The following EPB41L4A variants were observed in gnomAD, a reference collection of about 807,000 sequenced individuals.
The protein encoded by EPB41L4A is band 4.1-like protein 4A.
A neutral mutation model predicts 108.6 loss-of-function variants in EPB41L4A; 100 were observed. The ratio of observed to expected loss-of-function variants is 0.92; its 90% CI spans 0.78 to 1.09. EPB41L4A has a LOEUF of 1.09. Ranked by LOEUF, EPB41L4A falls within the 50% of genes least tolerant of loss-of-function variation. The pLI, the probability that EPB41L4A is intolerant of heterozygous loss-of-function variation, is 0.00. For missense variants in EPB41L4A, 1,030 were observed against 842.7 expected (o/e 1.22, Z -2.75); for synonymous variants, 319 against 289.0 (o/e 1.10, Z -1.05).
chr5:112,398,264 G>T (rs1401343869), intron 1 of EPB41L4A, among the ~76,000 whole-genome samples: 1 of 152,030 alleles, frequency 6.6e-6, no homozygotes, highest in Non-Finnish European at 1.5e-5. Context: ...TCTTTTTTAG[G>T]ATTTTCCTTT....
At chr5:112,262,203 C>A (rs1374266003) in intron 7 of EPB41L4A, among the ~76,000 whole-genome samples, 1 of 152,058 alleles carries the variant, frequency 6.6e-6, no homozygotes, top group Middle Eastern at 3.2e-3. Context: ...GCCTATACAT[C>A]AATTTTATAT....
At chr5:112,307,856 A>G (rs1274565122) in intron 1 of EPB41L4A, among the ~76,000 whole-genome samples, 1 of 152,158 alleles carries the variant, frequency 6.6e-6, no homozygotes, top group African/African-American at 2.4e-5. Flanking sequence ...AAATCCCACC[A>G]TTCCCTCATT....
At chr5:112,405,861 A>G (rs1315809861) in intron 1 of EPB41L4A, among the ~76,000 whole-genome samples, 2 of 152,014 alleles carry the variant, frequency 1.3e-5, no homozygotes, top group East Asian at 3.8e-4. Flanking sequence ...CTCCCCACCT[A>G]ACAGTTAAAC....
At chr5:112,347,093 A>C (rs1038029414) in intron 1 of EPB41L4A, among the ~76,000 whole-genome samples, 11 of 152,340 alleles carry the variant, frequency 7.2e-5, no homozygotes, top group African/African-American at 2.4e-4. Flanking sequence ...TTCTGTGAGG[A>C]AACAGCAAAT....
rs534739997 is a variant in EPB41L4A, at chr5:112,390,141, G to A, written c.99+28800C>T. 7.2e-4 allele frequency among the ~76,000 whole-genome samples: 110 copies of A among 152,322 alleles called. No individual in the cohort carries two copies. In the South Asian group the frequency reaches 8.3e-3, roughly 11 times the overall value. On this transcript the variant is annotated intron_variant, in intron 1 of 22. Transcript: ENST00000261486. The stretch of plus-strand genomic sequence containing the variant: ...TCCCAGCGTGATCGACACAGAAGAC[G>A]GGTGACTTCTGCATTTCCAACTGAG...
At chr5:112,314,505 TAAAAAAAAAAAAAAAAAAAAAA>T (rs552428109) in intron 1 of EPB41L4A, among the ~76,000 whole-genome samples, 7,437 of 55,904 alleles carry the variant, frequency 0.13, 427 homozygotes, top group Admixed American at 0.18. Flanking sequence ...CCATCGCTAC[TAAAAAAAAAAAAAAAAAAAAAA>T]AAAAAAAAAA....
chr5:112,372,668 G>T (rs961671242), intron 1 of EPB41L4A, among the ~76,000 whole-genome samples: 1 of 152,160 alleles, frequency 6.6e-6, no homozygotes, highest in Non-Finnish European at 1.5e-5. Flanking sequence ...GAAAGAACCA[G>T]ATAATACCTT....
intron 15 of EPB41L4A, among the ~76,000 whole-genome samples, chr5:112,203,768 G>A (rs751322798): frequency 4.5e-5 from 6 of 134,712 alleles, no homozygotes; most frequent in East Asian, 2.6e-4. Flanking sequence ...TCGTCTGGGC[G>A]CAGTGGCTTA....
At chr5:112,277,255 G>T (rs2150496969) in intron 3 of EPB41L4A, among the ~76,000 whole-genome samples, 1 of 152,212 alleles carries the variant, frequency 6.6e-6, no homozygotes, top group South Asian at 2.1e-4. Flanking sequence ...CCTTCTCCAG[G>T]CCTCAGAGCT....
chr5:112,293,710 A>G (rs1561546070), intron 2 of EPB41L4A, among the ~76,000 whole-genome samples: 1 of 152,182 alleles, frequency 6.6e-6, no homozygotes, highest in African/African-American at 2.4e-5. Flanking sequence ...TGAGGAAAGC[A>G]TGCAGTGCAA....
intron 1 of EPB41L4A, among the ~76,000 whole-genome samples, chr5:112,326,551 G>A (rs962874803): frequency 3.3e-5 from 5 of 152,106 alleles, no homozygotes; most frequent in African/African-American, 9.7e-5. Flanking sequence ...CTACCAATGG[G>A]CTTTTGTCTT....
intron 12 of EPB41L4A, among the ~76,000 whole-genome samples, chr5:112,230,482 T>G (rs920473351): frequency 6.6e-6 from 1 of 152,200 alleles, no homozygotes; most frequent in Non-Finnish European, 1.5e-5. Flanking sequence ...TGATCATTAG[T>G]GATGTTGAGC....
chr5:112,352,603 TTAA>T (rs1447693240), intron 1 of EPB41L4A, among the ~76,000 whole-genome samples: 1 of 152,250 alleles, frequency 6.6e-6, no homozygotes, highest in African/African-American at 2.4e-5. Flanking sequence ...AAGGTTATTA[TTAA>T]TGTGTGAGAA....
intron 2 of EPB41L4A, among the ~76,000 whole-genome samples, chr5:112,281,938 T>A (rs942506017): frequency 2.0e-5 from 3 of 152,166 alleles, no homozygotes; most frequent in Non-Finnish European, 4.4e-5. Flanking sequence ...GCAGTTTCCA[T>A]TTTTTGACTT....
chr5:112,383,731 A>G (rs1398459462), intron 1 of EPB41L4A, among the ~76,000 whole-genome samples: 1 of 152,180 alleles, frequency 6.6e-6, no homozygotes, highest in Non-Finnish European at 1.5e-5. Context: ...CAGACAAATC[A>G]ATAAAATGGG....
intron 12 of EPB41L4A, among the ~76,000 whole-genome samples, chr5:112,224,833 G>A (rs1340898051): frequency 6.6e-6 from 1 of 152,152 alleles, no homozygotes; most frequent in Non-Finnish European, 1.5e-5. Flanking sequence ...TGGAAAAGAA[G>A]AGCCACAATC....
chr5:112,298,639 T>C lies in EPB41L4A; in HGVS notation c.204+8747A>G, dbSNP rs531365062. Reference sequence around the variant, plus strand: ...TATGTTCATCAGGGGTATTGGTCTGTAGTTTTCTTTGTTATACTGACTTCA... The same window carrying C: ...TATGTTCATCAGGGGTATTGGTCTGCAGTTTTCTTTGTTATACTGACTTCA... On this transcript the variant is annotated intron_variant, in intron 2 of 22. Coordinates refer to ENST00000261486, the MANE Select transcript of EPB41L4A (RefSeq NM_022140.5). 8.5e-5 allele frequency among the ~76,000 whole-genome samples: 13 copies of C among 152,256 alleles called. No homozygotes were observed. In the South Asian group the frequency reaches 2.5e-3, roughly 29 times the overall value.
At chr5:112,261,532 T>C (rs1561520005) in intron 7 of EPB41L4A, among the ~76,000 whole-genome samples, 1 of 152,236 alleles carries the variant, frequency 6.6e-6, no homozygotes, top group African/African-American at 2.4e-5. Flanking sequence ...AGGCAAAGGC[T>C]TTCTAATCTC....
At chr5:112,291,555 T>G (rs1644916067) in intron 2 of EPB41L4A, among the ~76,000 whole-genome samples, 1 of 152,324 alleles carries the variant, frequency 6.6e-6, no homozygotes, top group African/African-American at 2.4e-5. Flanking sequence ...CACCTGCCCC[T>G]AGCAGGACTC....
Sources: allele counts gnomAD v4.1 joint callset (sites outside exome capture counted in the v4.1 genomes callset), GRCh38; gene constraint gnomAD v4.1.1; transcripts MANE v1.5; gene names NCBI Gene and HGNC (gene_info 2026-07-23, HGNC 2026-07-21).